Variants in PPARG observed in about 807,000 individuals in gnomAD.
The protein encoded by PPARG is peroxisome proliferator activated receptor gamma.
Under a neutral mutation model 39.2 loss-of-function variants are expected in PPARG, and 17 were observed. The ratio of observed to expected loss-of-function variants is 0.43; its 90% CI spans 0.30 to 0.65. The LOEUF (loss-of-function observed/expected upper bound fraction) is 0.65. PPARG is among the 30% of genes least tolerant of loss of function. The pLI, the probability that PPARG is intolerant of heterozygous loss-of-function variation, is 0.13. For synonymous variants in PPARG, 223 were observed against 215.7 expected, an observed-to-expected ratio of 1.03 and a Z score of -0.30; for missense variants, 406 against 585.9, an observed-to-expected ratio of 0.69 and a Z score of 3.17.
At chr3:12,302,314 C>A (rs1323378158) in intron 1 of PPARG, among the ~76,000 whole-genome samples, 1 of 152,042 alleles carries the variant, frequency 6.6e-6, no homozygotes, top group Non-Finnish European at 1.5e-5. Flanking sequence ...TAGGTACATC[C>A]ATAGAGATAG....
At chr3:12,382,141 A>G (rs1161348388) in intron 4 of PPARG, among the ~76,000 whole-genome samples, 1 of 152,108 alleles carries the variant, frequency 6.6e-6, no homozygotes, top group Non-Finnish European at 1.5e-5. Context: ...CTGACTCCTT[A>G]GGTGGTGTTG....
At chr3:12,320,365 A>G (rs1392786340) in intron 2 of PPARG, among the ~76,000 whole-genome samples, 1 of 152,140 alleles carries the variant, frequency 6.6e-6, no homozygotes, top group Non-Finnish European at 1.5e-5. Flanking sequence ...ACTAGTATTT[A>G]TTTCCTTGCT....
intron 2 of PPARG, among the ~76,000 whole-genome samples, chr3:12,317,110 A>C (rs1293533672): frequency 5.3e-5 from 8 of 152,204 alleles, no homozygotes; most frequent in African/African-American, 1.9e-4. Flanking sequence ...CTCACATGCA[A>C]AGTTCAGTCC....
At chr3:12,366,153 G>A (rs1312961328) in intron 2 of PPARG, among the ~76,000 whole-genome samples, 1 of 151,736 alleles carries the variant, frequency 6.6e-6, no homozygotes, top group African/African-American at 2.4e-5. Context: ...TACTTTTCGG[G>A]GTGCTAATGT....
intron 7 of PPARG, among the ~76,000 whole-genome samples, chr3:12,432,717 TTATC>T (rs1439130306): frequency 2.6e-5 from 4 of 152,218 alleles, no homozygotes; most frequent in Non-Finnish European, 4.4e-5. Context: ...GCTGATATAA[TTATC>T]TATCCAAAAA....
intron 2 of PPARG, among the ~76,000 whole-genome samples, chr3:12,324,228 G>A (rs1214825075): frequency 6.6e-6 from 1 of 151,858 alleles, no homozygotes; most frequent in African/African-American, 2.4e-5. Flanking sequence ...GTAGTGAACC[G>A]AGATCGTGCC....
chr3:12,419,303 A>G (rs1413287664), intron 7 of PPARG, among the ~76,000 whole-genome samples: 3 of 152,084 alleles, frequency 2.0e-5, no homozygotes, highest in Non-Finnish European at 4.4e-5. Context: ...ATCTTGACCA[A>G]ATTTACTTCC....
rs192659211 is a variant in PPARG, at chr3:12,402,425, T to C, written c.530-3457T>C. Among the ~76,000 whole-genome samples, 4 of 151,586 alleles carry C rather than the reference T, an allele frequency of 2.6e-5. No homozygotes were observed. In the East Asian group the frequency reaches 7.7e-4, roughly 29 times the overall value. On this transcript the variant is annotated intron_variant, in intron 5 of 7. Coordinates refer to ENST00000651735, the MANE Select transcript of PPARG (RefSeq NM_138711.6). ...TTCTGTCTGTTTTTAAACCTGATAC[T>C]TTGGAGTTTAATCCATCAAACATTT...
intron 1 of PPARG, among the ~76,000 whole-genome samples, chr3:12,310,491 T>C (rs1247163009): frequency 1.5e-5 from 1 of 65,158 alleles, no homozygotes; most frequent in Non-Finnish European, 3.0e-5. Context: ...TGAGACAGAG[T>C]CTCGCTCTGT....
At chr3:12,377,965 A>G (rs1282822725) in intron 2 of PPARG, among the ~76,000 whole-genome samples, 2 of 152,194 alleles carry the variant, frequency 1.3e-5, no homozygotes, top group African/African-American at 4.8e-5. Flanking sequence ...TGATAAAGGA[A>G]TATCCATTTC....
intron 5 of PPARG, among the ~76,000 whole-genome samples, chr3:12,405,097 A>G (rs1369072131): frequency 3.3e-5 from 5 of 152,226 alleles, no homozygotes; most frequent in Non-Finnish European, 7.3e-5. Flanking sequence ...TTTGCTGAAC[A>G]TATTGGTAAG....
chr3:12,356,833 GCCGACCCAC>G (rs2048680713), intron 2 of PPARG, among the ~76,000 whole-genome samples: 2 of 152,048 alleles, frequency 1.3e-5, no homozygotes, highest in South Asian at 4.1e-4. Context: ...CAAGAGTAAG[GCCGACCCAC>G]CCTTGCTCCA....
intron 2 of PPARG, among the ~76,000 whole-genome samples, chr3:12,335,882 G>T (rs1451225929): frequency 6.6e-6 from 1 of 151,892 alleles, no homozygotes; most frequent in Non-Finnish European, 1.5e-5. Flanking sequence ...GTTTCTAGTT[G>T]CCAGGACCAA....
chr3:12,296,282 A>G (rs1446799030), intron 1 of PPARG, among the ~76,000 whole-genome samples: 1 of 151,288 alleles, frequency 6.6e-6, no homozygotes, highest in Admixed American at 6.6e-5. Context: ...AAAAAAAAGA[A>G]TAAAGAATTA....
intron 2 of PPARG, among the ~76,000 whole-genome samples, chr3:12,360,976 G>A (rs1202039387): frequency 1.3e-5 from 2 of 152,146 alleles, no homozygotes; most frequent in African/African-American, 2.4e-5. Context: ...TTCAGGAGAC[G>A]TTGCCAACAG....
At chr3:12,386,144 G>A (rs1050855469) in intron 4 of PPARG, among the ~76,000 whole-genome samples, 10 of 152,252 alleles carry the variant, frequency 6.6e-5, no homozygotes, top group Admixed American at 2.6e-4. Flanking sequence ...ATAAAAAAGT[G>A]TTATTAGAGT....
At chr3:12,431,515 T>G (rs1417859382) in intron 7 of PPARG, among the ~76,000 whole-genome samples, 2 of 151,972 alleles carry the variant, frequency 1.3e-5, no homozygotes, top group Non-Finnish European at 2.9e-5. Context: ...TTCAATAAAT[T>G]AAAAACAAAA....
chr3:12,374,493 G>A (rs1438635716), intron 2 of PPARG, among the ~76,000 whole-genome samples: 1 of 152,162 alleles, frequency 6.6e-6, no homozygotes, highest in Non-Finnish European at 1.5e-5. Flanking sequence ...CAGCTACTCA[G>A]GAGGCTGGGG....
upstream of PPARG, chr3:12,287,918 C>A (rs1023567904): frequency 6.9e-6 from 1 of 145,546 alleles, no homozygotes; most frequent in South Asian, 2.1e-4. Flanking sequence ...GCAGGCGGGG[C>A]CCAGCGCACT....
Sources: gnomAD v4.1 joint callset for allele counts (sites outside exome capture counted in the v4.1 genomes callset) on GRCh38, gnomAD v4.1.1 for gene constraint, MANE v1.5 for transcripts, NCBI Gene and HGNC (gene_info 2026-07-23, HGNC 2026-07-21) for gene names.